Variants in EFR3A observed in about 807,000 individuals in gnomAD.
EFR3A encodes the protein EFR3 homolog A, also known as protein EFR3 homolog A.
Under a neutral mutation model 104.4 loss-of-function variants are expected in EFR3A, and 76 were observed. The observed-to-expected ratio is 0.73, with a 90% CI of 0.60 to 0.88. EFR3A has a LOEUF of 0.88. Among genes scored for constraint, EFR3A ranks in the 40% least tolerant of loss-of-function variants. The pLI is 0.00. For synonymous variants in EFR3A, 330 were observed against 330.0 expected (o/e 1.00, Z 0.00); for missense variants, 985 against 1,012.5 (o/e 0.97, Z 0.37).
In EFR3A at chr8:131,984,316, C is replaced by G; in HGVS notation, c.1737+16C>G. On this transcript the variant is annotated intron_variant, in intron 15 of 22. Coordinates refer to ENST00000254624, the MANE Select transcript of EFR3A (RefSeq NM_015137.6). Reference sequence around the variant, plus strand: ...TGCTTTACAGGTATGCTTTCATAACCGTTCACTGCAGAAAACATTTTTTAT... The same window carrying G: ...TGCTTTACAGGTATGCTTTCATAACGGTTCACTGCAGAAAACATTTTTTAT... 1 of 1,519,646 alleles carries G rather than the reference C, an allele frequency of 6.6e-7. No homozygotes were observed. Among genetic ancestry groups the G allele is most frequent in the Non-Finnish European group, 8.8e-7 (1 of 1,135,054 alleles). 94.1% of individuals were successfully genotyped at this position (1,519,646 alleles called of 1,614,324 possible).
At chr8:131,939,409 T>A (rs1818059371) in intron 1 of EFR3A, among the ~76,000 whole-genome samples, 1 of 152,170 alleles carries the variant, frequency 6.6e-6, no homozygotes, top group Non-Finnish European at 1.5e-5. Flanking sequence ...TTCCCAAAAG[T>A]GGGAACTGGA....
chr8:131,928,435 A>G (rs966055132), intron 1 of EFR3A, among the ~76,000 whole-genome samples: 21 of 152,188 alleles, frequency 1.4e-4, no homozygotes, highest in Admixed American at 6.5e-5. Flanking sequence ...AGCATTTACT[A>G]GAAATTATAA....
chr8:131,987,770 C>G (rs749866494), intron 18 of EFR3A, 68 bp downstream of exon 18: 10 of 1,474,394 alleles, frequency 6.8e-6, no homozygotes, highest in Non-Finnish European at 9.1e-6. Flanking sequence ...TTTCATTACC[C>G]AGTTAACAAT....
In EFR3A at chr8:131,987,582, A is replaced by G; in HGVS notation, c.1945A>G (p.Lys649Glu). The change falls in exon 18 of 23, where the codon AAA becomes GAA. Residue 649 changes from lysine (K) to glutamate (E), a missense_variant. Transcript: ENST00000254624. ...TTTTGATGAACTTCGCAGGCTTCCA[A>G]AATCTTTAGAGAAGCATGAAAAAGA... ...HIFRDKCMLP[K>E]SLEKHEKDLY... 4 of 1,592,670 alleles carry G rather than the reference A, an allele frequency of 2.5e-6. No individual in the cohort carries two copies. Among genetic ancestry groups the G allele is most frequent in the Non-Finnish European group, 3.4e-6 (4 of 1,169,412 alleles).
chr8:131,955,997 C>T, intron 7 of EFR3A, 92 bp downstream of exon 7: 1 of 1,410,992 alleles, frequency 7.1e-7, no homozygotes, highest in African/African-American at 1.4e-5. Flanking sequence ...TTTTTACTTG[C>T]ATGAGTGAGT....
chr8:131,929,812 C>G (rs1563634309), intron 1 of EFR3A, among the ~76,000 whole-genome samples: 1 of 152,058 alleles, frequency 6.6e-6, no homozygotes, highest in Non-Finnish European at 1.5e-5. Flanking sequence ...AGTTGAGAAC[C>G]AACTGAAATA....
intron 22 of EFR3A, among the ~76,000 whole-genome samples, chr8:132,010,407 G>GATATACATATATATATATAT (rs1554610360): frequency 3.1e-4 from 25 of 81,882 alleles, no homozygotes; most frequent in African/African-American, 1.2e-3. Flanking sequence ...TCAAGTATGA[G>GATATACATATATATATATAT]ATATATATAT....
intron 1 of EFR3A, among the ~76,000 whole-genome samples, chr8:131,914,702 G>A (rs1398193783): frequency 1.3e-5 from 2 of 151,920 alleles, no homozygotes; most frequent in African/African-American, 2.4e-5. Context: ...AGGTAAACTC[G>A]TGTCACAGGG....
intron 10 of EFR3A, among the ~76,000 whole-genome samples, chr8:131,974,850 A>G (rs1273904565): frequency 6.6e-6 from 1 of 152,208 alleles, no homozygotes; most frequent in Non-Finnish European, 1.5e-5. Flanking sequence ...GTTTATATAA[A>G]CACATCATTA....
chr8:131,991,979 T>A (rs770417260), intron 18 of EFR3A, among the ~76,000 whole-genome samples: 2 of 152,202 alleles, frequency 1.3e-5, no homozygotes, highest in Non-Finnish European at 2.9e-5. Flanking sequence ...CTTTTTGTTC[T>A]CAATGATTTT....
chr8:131,992,155 T>G (rs1437289547), intron 18 of EFR3A, among the ~76,000 whole-genome samples: 1 of 152,138 alleles, frequency 6.6e-6, no homozygotes, highest in East Asian at 1.9e-4. Context: ...GGTGAGACCT[T>G]GAAAGTTAAT....
At chr8:131,995,056 AC>A (rs1268537679) in intron 18 of EFR3A, among the ~76,000 whole-genome samples, 1 of 152,134 alleles carries the variant, frequency 6.6e-6, no homozygotes, top group Non-Finnish European at 1.5e-5. Flanking sequence ...AGAATCAGAG[AC>A]TGACAATGAA....
intron 11 of EFR3A, 102 bp downstream of exon 11, chr8:131,976,243 G>GTAA: frequency 2.7e-6 from 2 of 752,766 alleles, no homozygotes; most frequent in Non-Finnish European, 4.4e-6. Context: ...AAAATCATTA[G>GTAA]TAATAGCATT....
At chr8:131,958,963 G>A (rs1263596255) in intron 7 of EFR3A, among the ~76,000 whole-genome samples, 2 of 152,114 alleles carry the variant, frequency 1.3e-5, no homozygotes, top group Non-Finnish European at 2.9e-5. Flanking sequence ...CCTTAGAGAA[G>A]TCAAGTAACT....
At chr8:132,004,752 C>A (rs1161455662) in intron 22 of EFR3A, among the ~76,000 whole-genome samples, 7 of 152,106 alleles carry the variant, frequency 4.6e-5, no homozygotes, top group African/African-American at 1.7e-4. Flanking sequence ...TAGGTAGACA[C>A]TATTTTTTTG....
chr8:131,999,569 C>T (rs1821684674), intron 19 of EFR3A, among the ~76,000 whole-genome samples: 1 of 134,802 alleles, frequency 7.4e-6, no homozygotes, highest in African/African-American at 2.6e-5. Context: ...CCAACATAAC[C>T]AGTTTTCCCT....
intron 1 of EFR3A, among the ~76,000 whole-genome samples, chr8:131,927,605 T>C (rs1817365726): frequency 1.3e-5 from 2 of 152,190 alleles, no homozygotes; most frequent in African/African-American, 4.8e-5. Context: ...TACATGGTTA[T>C]AAGGTGGTCA....
At chr8:131,904,949 T>C (rs1816171627) in intron 1 of EFR3A, among the ~76,000 whole-genome samples, 1 of 152,220 alleles carries the variant, frequency 6.6e-6, no homozygotes, top group Admixed American at 6.5e-5. Flanking sequence ...GTCTGGAGCT[T>C]GGGCCCCGGA....
intron 1 of EFR3A, among the ~76,000 whole-genome samples, chr8:131,931,456 T>A (rs537109828): frequency 6.6e-6 from 1 of 152,244 alleles, no homozygotes; most frequent in South Asian, 2.1e-4. Flanking sequence ...TGAGGGTAAA[T>A]CCAGTCATTT....
Sources: gnomAD v4.1 joint callset for allele counts (sites outside exome capture counted in the v4.1 genomes callset) on GRCh38, gnomAD v4.1.1 for gene constraint, MANE v1.5 for transcripts, NCBI Gene and HGNC (gene_info 2026-07-23, HGNC 2026-07-21) for gene names.